Variants in ULK4 observed in about 807,000 individuals in gnomAD.
The protein encoded by ULK4 is inactive serine/threonine-protein kinase ULK4.
A neutral mutation model predicts 160.6 loss-of-function variants in ULK4; 133 were observed. That is an observed-to-expected ratio of 0.83 (90% CI 0.72 to 0.96). ULK4 has a LOEUF of 0.96. Ranked by LOEUF, ULK4 falls within the 40% of genes least tolerant of loss-of-function variation. The pLI, the probability that ULK4 is intolerant of heterozygous loss-of-function variation, is 0.00. For synonymous variants in ULK4, 534 were observed against 539.8 expected (o/e 0.99, Z 0.15); for missense variants, 1,580 against 1,499.5 (o/e 1.05, Z -0.89).
chr3:41,827,548 GAATA>G (rs1348703879), intron 18 of ULK4, among the ~76,000 whole-genome samples: 4 of 151,964 alleles, frequency 2.6e-5, no homozygotes, highest in African/African-American at 7.3e-5. Flanking sequence ...AGAAAATCTA[GAATA>G]AATGGATAAA....
intron 32 of ULK4, among the ~76,000 whole-genome samples, chr3:41,518,864 C>G (rs2085837891): frequency 6.6e-6 from 1 of 152,224 alleles, no homozygotes; most frequent in East Asian, 1.9e-4. Context: ...TATGTTTCAG[C>G]ACACTATGAA....
chr3:41,680,135 T>G (rs1476318882), intron 29 of ULK4, among the ~76,000 whole-genome samples: 1 of 152,214 alleles, frequency 6.6e-6, no homozygotes, highest in African/African-American at 2.4e-5. Context: ...CTAAAAACAT[T>G]AATCCCATTA....
intron 16 of ULK4, among the ~76,000 whole-genome samples, chr3:41,884,388 T>G (rs548034279): frequency 6.6e-6 from 1 of 152,220 alleles, no homozygotes; most frequent in Non-Finnish European, 1.5e-5. Context: ...CATATCTGTA[T>G]GTATTCAGTG....
intron 35 of ULK4, among the ~76,000 whole-genome samples, chr3:41,317,168 C>T (rs990477285): frequency 6.7e-6 from 1 of 149,926 alleles, no homozygotes; most frequent in Non-Finnish European, 1.5e-5. Flanking sequence ...CTCCGCTTCC[C>T]GGGTTCACGC....
intron 22 of ULK4, among the ~76,000 whole-genome samples, chr3:41,753,786 C>A (rs73828247): frequency 0.051 from 7,794 of 152,236 alleles, 654 homozygotes; most frequent in African/African-American, 0.17. Flanking sequence ...CTGTGTTAGC[C>A]CATTCTCACA....
intron 27 of ULK4, among the ~76,000 whole-genome samples, chr3:41,699,144 T>C (rs1024513991): frequency 6.6e-6 from 1 of 152,212 alleles, no homozygotes; most frequent in African/African-American, 2.4e-5. Flanking sequence ...TATATGCATA[T>C]GTTCAGCTTT....
intron 20 of ULK4, among the ~76,000 whole-genome samples, chr3:41,797,197 A>C (rs2040326169): frequency 6.6e-6 from 1 of 152,144 alleles, no homozygotes; most frequent in Non-Finnish European, 1.5e-5. Flanking sequence ...GCAAAAAAAA[A>C]AGGTGTTTAC....
chr3:41,896,810 A>G lies in ULK4; in HGVS notation c.1530+12T>C. On this transcript the variant is annotated intron_variant, in intron 15 of 36. Coordinates refer to ENST00000301831, the MANE Select transcript of ULK4 (RefSeq NM_017886.4). Reference sequence around the variant, plus strand: ...CAAATTAAAATGCATAAGGCATGTCACACAGGCTTACCAGGGGGGAATGGA... The same window carrying G: ...CAAATTAAAATGCATAAGGCATGTCGCACAGGCTTACCAGGGGGGAATGGA... The G allele has an allele frequency of 3.7e-6, 6 of 1,605,928 alleles. No homozygotes were observed. The highest frequency in any genetic ancestry group is 1.8e-4 in the Middle Eastern group (1 of 5,608).
At chr3:41,377,637 T>C (rs2081537516) in intron 35 of ULK4, among the ~76,000 whole-genome samples, 1 of 145,692 alleles carries the variant, frequency 6.9e-6, no homozygotes, top group South Asian at 2.2e-4. Flanking sequence ...TCATCATCAC[T>C]GGCCATCAGA....
chr3:41,855,090 A>AAAAG (rs1477214044), intron 17 of ULK4, among the ~76,000 whole-genome samples: 59 of 152,274 alleles, frequency 3.9e-4, no homozygotes, highest in African/African-American at 1.4e-3. Flanking sequence ...GGCAGTGGCT[A>AAAAG]AAAGAGGAAG....
At chr3:41,857,539 T>G (rs2042390111) in intron 17 of ULK4, among the ~76,000 whole-genome samples, 1 of 152,194 alleles carries the variant, frequency 6.6e-6, no homozygotes, top group Non-Finnish European at 1.5e-5. Context: ...AGGATTGGTA[T>G]CAGTTGGTTC....
chr3:41,852,258 CA>C (rs1437638029), intron 17 of ULK4, among the ~76,000 whole-genome samples: 1 of 151,828 alleles, frequency 6.6e-6, no homozygotes, highest in African/African-American at 2.4e-5. Context: ...GCTTACAAAC[CA>C]AAAAAAGTCC....
intron 22 of ULK4, among the ~76,000 whole-genome samples, chr3:41,724,693 A>C (rs1243516290): frequency 1.3e-5 from 2 of 152,164 alleles, no homozygotes; most frequent in Non-Finnish European, 2.9e-5. Flanking sequence ...ACTGCACGCC[A>C]GCCTGGGCGA....
chr3:41,628,869 A>G lies in ULK4; in HGVS notation c.3072-13152T>C, dbSNP rs567831441. ...ACTCTGTAAGGTTAAAATTATTTGA[A>G]AGTTTAAAAGTTTTTTAAAATGACT... On this transcript the variant is annotated intron_variant, in intron 30 of 36. Transcript: ENST00000301831. 3.7e-4 allele frequency among the ~76,000 whole-genome samples: 57 copies of G among 152,258 alleles called. 1 individual carries two copies. The highest frequency in any genetic ancestry group is 3.2e-4 in the Non-Finnish European group (22 of 68,014).
At chr3:41,797,582 G>A (rs1169683767) in intron 20 of ULK4, among the ~76,000 whole-genome samples, 1 of 152,164 alleles carries the variant, frequency 6.6e-6, no homozygotes, top group Non-Finnish European at 1.5e-5. Flanking sequence ...AATACAGGCG[G>A]GGCACAGTGG....
At chr3:41,777,925 G>A (rs943598657) in intron 21 of ULK4, among the ~76,000 whole-genome samples, 5 of 141,254 alleles carry the variant, frequency 3.5e-5, no homozygotes, top group African/African-American at 1.1e-4. Context: ...ACTGGCACAA[G>A]ACAGGGATGC....
At chr3:41,421,932 T>C (rs1252332017) in intron 34 of ULK4, among the ~76,000 whole-genome samples, 2 of 152,178 alleles carry the variant, frequency 1.3e-5, no homozygotes, top group Admixed American at 1.3e-4. Context: ...CAGATCACAA[T>C]GATCCACTTG....
intron 21 of ULK4, among the ~76,000 whole-genome samples, chr3:41,770,558 G>C (rs1264127730): frequency 6.9e-6 from 1 of 145,464 alleles, no homozygotes; most frequent in Non-Finnish European, 1.5e-5. Context: ...TGCCCAGGCT[G>C]GAGTGCAGTG....
At chr3:41,932,082 T>C in intron 4 of ULK4, 76 bp from the exon 5 acceptor site, 1 of 1,320,076 alleles carries the variant, frequency 7.6e-7, no homozygotes, top group Non-Finnish European at 1.0e-6. Context: ...CTTATAATTG[T>C]ACTAAAGAAC....
Sources: allele counts gnomAD v4.1 joint callset (sites outside exome capture counted in the v4.1 genomes callset), GRCh38; gene constraint gnomAD v4.1.1; transcripts MANE v1.5; gene names NCBI Gene and HGNC (gene_info 2026-07-23, HGNC 2026-07-21).